The following WWOX variants were observed in gnomAD, a reference collection of about 807,000 sequenced individuals.
The protein encoded by WWOX is WW domain containing oxidoreductase.
WWOX carries 69 observed loss-of-function variants against 46.2 expected under a neutral mutation model. The ratio of observed to expected loss-of-function variants is 1.49; its 90% CI spans 1.23 to 1.82. The LOEUF (loss-of-function observed/expected upper bound fraction) is 1.82, where lower values mean the gene tolerates loss of function less well. Among genes scored for constraint, WWOX ranks in the 40% most tolerant of loss-of-function variants. The pLI, the probability that WWOX is intolerant of heterozygous loss-of-function variation, is 0.00. For missense variants in WWOX, 919 were observed against 542.6 expected (o/e 1.69, Z -6.89); for synonymous variants, 359 against 202.6 (o/e 1.77, Z -6.56).
At chr16:78,275,909 C>G (rs928380991) in intron 5 of WWOX, among the ~76,000 whole-genome samples, 1 of 151,962 alleles carries the variant, frequency 6.6e-6, no homozygotes, top group African/African-American at 2.4e-5. Flanking sequence ...GAGGAGTGCA[C>G]TGGGAGGGGA....
rs9928790 is a variant in WWOX, at chr16:78,523,343, C to G, written c.1056+90591C>G. 5.5e-3 allele frequency among the ~76,000 whole-genome samples: 845 copies of G among 152,334 alleles called. 11 individuals carry two copies. The highest frequency in any genetic ancestry group is 0.02 in the African/African-American group (823 of 41,574). On this transcript the variant is annotated intron_variant, in intron 8 of 8. Transcript: ENST00000566780. ...AAACTGGATCCCCTGCTGTACCCAGCAAATGCTGAGAGCCCTGCTTCCCCT... is the reference window on the plus strand; with the variant it reads ...AAACTGGATCCCCTGCTGTACCCAGGAAATGCTGAGAGCCCTGCTTCCCCT...
chr16:78,312,536 A>G (rs1383747153), intron 5 of WWOX, among the ~76,000 whole-genome samples: 3 of 151,952 alleles, frequency 2.0e-5, no homozygotes, highest in Admixed American at 1.3e-4. Context: ...CACCATGCCC[A>G]GCTAACTTTT....
chr16:79,191,411 A>T (rs1327682820), intron 8 of WWOX, among the ~76,000 whole-genome samples: 1 of 152,114 alleles, frequency 6.6e-6, no homozygotes, highest in Admixed American at 6.6e-5. Flanking sequence ...GGACATCAGG[A>T]CATGGATTCT....
At chr16:78,621,186 G>A (rs548807779) in intron 8 of WWOX, among the ~76,000 whole-genome samples, 1 of 152,290 alleles carries the variant, frequency 6.6e-6, no homozygotes, top group South Asian at 2.1e-4. Flanking sequence ...AAATGCTGGG[G>A]ATCTGCGAAA....
At chr16:79,061,158 G>A (rs1041485916) in intron 8 of WWOX, among the ~76,000 whole-genome samples, 1 of 152,162 alleles carries the variant, frequency 6.6e-6, no homozygotes, top group East Asian at 1.9e-4. Flanking sequence ...AGGGAGAAAT[G>A]ATAACCAGAT....
chr16:78,557,262 A>G (rs1193442317), intron 8 of WWOX, among the ~76,000 whole-genome samples: 1 of 152,138 alleles, frequency 6.6e-6, no homozygotes, highest in Non-Finnish European at 1.5e-5. Flanking sequence ...GATTCTACCT[A>G]TCTATGATCA....
At chr16:79,147,625 TG>T (rs2050205278) in intron 8 of WWOX, among the ~76,000 whole-genome samples, 2 of 152,260 alleles carry the variant, frequency 1.3e-5, no homozygotes, top group South Asian at 4.1e-4. Flanking sequence ...ATGCAATTGG[TG>T]GGTTGTAGGG....
At chr16:78,913,346 A>G (rs117881098) in intron 8 of WWOX, among the ~76,000 whole-genome samples, 1 of 151,972 alleles carries the variant, frequency 6.6e-6, no homozygotes, top group African/African-American at 2.4e-5. Context: ...TGTTAGGTGC[A>G]GCCATGTGCC....
intron 8 of WWOX, among the ~76,000 whole-genome samples, chr16:78,974,951 C>T (rs76416912): frequency 0.019 from 2,834 of 152,222 alleles, 92 homozygotes; most frequent in African/African-American, 0.065. Context: ...CCTCTCCGGA[C>T]CCAAAGGGAG....
intron 8 of WWOX, among the ~76,000 whole-genome samples, chr16:79,171,763 C>G (rs1254775202): frequency 6.6e-6 from 1 of 152,102 alleles, no homozygotes; most frequent in East Asian, 1.9e-4. Flanking sequence ...GAGTAAAGTT[C>G]ATTGTCTTAT....
intron 5 of WWOX, among the ~76,000 whole-genome samples, chr16:78,299,547 C>G (rs549813453): frequency 1.9e-3 from 270 of 143,372 alleles, no homozygotes; most frequent in Non-Finnish European, 3.6e-3. Context: ...GAGACAGTGT[C>G]TTGCTCTGTC....
intron 8 of WWOX, among the ~76,000 whole-genome samples, chr16:78,595,209 C>G (rs946149673): frequency 1.3e-5 from 2 of 152,142 alleles, no homozygotes; most frequent in African/African-American, 4.8e-5. Flanking sequence ...GATTTGGAGT[C>G]AGATGTCATA....
intron 4 of WWOX, among the ~76,000 whole-genome samples, chr16:78,115,795 T>A (rs2032753030): frequency 6.6e-6 from 1 of 152,142 alleles, no homozygotes; most frequent in Non-Finnish European, 1.5e-5. Flanking sequence ...TATTCTGATT[T>A]TGCTTTGATC....
At chr16:78,385,931 G>C (rs925132902) in intron 5 of WWOX, among the ~76,000 whole-genome samples, 2 of 152,136 alleles carry the variant, frequency 1.3e-5, no homozygotes, top group African/African-American at 4.8e-5. Flanking sequence ...GTTGGGAGTG[G>C]CCCATACACA....
intron 8 of WWOX, among the ~76,000 whole-genome samples, chr16:78,666,042 T>C (rs2047325705): frequency 6.6e-6 from 1 of 151,830 alleles, no homozygotes; most frequent in Admixed American, 6.6e-5. Flanking sequence ...CCCAACACTC[T>C]GGGAGGCTAA....
intron 8 of WWOX, among the ~76,000 whole-genome samples, chr16:79,055,646 A>C (rs886749322): frequency 6.6e-6 from 1 of 152,236 alleles, no homozygotes; most frequent in Non-Finnish European, 1.5e-5. Context: ...TTAAAGGTGT[A>C]TGTTTGGGGT....
intron 8 of WWOX, among the ~76,000 whole-genome samples, chr16:78,822,848 T>C (rs1194214902): frequency 6.6e-6 from 1 of 151,936 alleles, no homozygotes; most frequent in African/African-American, 2.4e-5. Context: ...AGAAGAGTCA[T>C]TTGTAAATTA....
At position 79,098,113 on chromosome 16, in the gene WWOX, C is replaced by G. The variant is rs148117259; in HGVS notation, c.1057-113495C>G. Among the ~76,000 whole-genome samples the G allele has an allele frequency of 2.1e-3, 322 of 152,280 alleles. 2 individuals carry two copies. The highest frequency in any genetic ancestry group is 4.0e-3 in the Non-Finnish European group (271 of 68,024). On this transcript the variant is annotated intron_variant, in intron 8 of 8. Transcript: ENST00000566780. ...TGAGCTGGAAGAAACTTGAGACGCT[C>G]TTTAGTCCAGCAAATTTCAAACCTG...
rs1387244420 is a variant in WWOX, at chr16:78,781,186, G to A, written c.1056+348434G>A. On this transcript the variant is annotated intron_variant, in intron 8 of 8. Transcript: ENST00000566780. ...CACAACTGAAGTGTTGATGGGGTGT[G>A]TTGTGACCCCTGGCTTGTTCCAAAG... 3.3e-5 allele frequency among the ~76,000 whole-genome samples: 5 copies of A among 152,328 alleles called. 1 individual carries two copies. In the Middle Eastern group the frequency reaches 0.01, roughly 311 times the overall value.
Sources: allele counts gnomAD v4.1 joint callset (sites outside exome capture counted in the v4.1 genomes callset), GRCh38; gene constraint gnomAD v4.1.1; transcripts MANE v1.5; gene names NCBI Gene and HGNC (gene_info 2026-07-23, HGNC 2026-07-21).